KCNG3: variants seen among roughly 807,000 people sequenced by gnomAD.
The protein encoded by KCNG3 is potassium voltage-gated channel modifier subfamily G member 3, also known as voltage-gated potassium channel regulatory subunit KCNG3.
KCNG3 carries 15 observed loss-of-function variants against 29.0 expected under a neutral mutation model. That is an observed-to-expected ratio of 0.52 (90% CI 0.35 to 0.80). KCNG3 has a LOEUF of 0.80. KCNG3 is among the 30% of genes least tolerant of loss of function. KCNG3 has a pLI of 0.01. For missense variants in KCNG3, 512 were observed against 605.7 expected (o/e 0.85, Z 1.62); for synonymous variants, 322 against 248.9 (o/e 1.29, Z -2.76).
intron 1 of KCNG3, among the ~76,000 whole-genome samples, chr2:42,461,606 C>T (rs1208973046): frequency 6.6e-6 from 1 of 152,206 alleles, no homozygotes; most frequent in Non-Finnish European, 1.5e-5. Context: ...CCCGGCCCCA[C>T]ACTCTCCACT....
intron 1 of KCNG3, among the ~76,000 whole-genome samples, chr2:42,491,542 T>C (rs1457294127): frequency 6.6e-6 from 1 of 152,168 alleles, no homozygotes; most frequent in East Asian, 1.9e-4. Flanking sequence ...AATAAATTAA[T>C]TTCATTGTAT....
At chr2:42,435,842 A>C in the KCNG3 span, among the ~76,000 whole-genome samples, 4 of 152,234 alleles carry the variant, frequency 2.6e-5, no homozygotes, top group African/African-American at 9.6e-5. Context: ...GCAGCTCCTC[A>C]AAAAGTTAAA....
intron 1 of KCNG3, among the ~76,000 whole-genome samples, chr2:42,458,420 A>G (rs902882664): frequency 1.3e-5 from 2 of 152,092 alleles, no homozygotes; most frequent in Non-Finnish European, 2.9e-5. Context: ...CAACAGAGGT[A>G]CCAGATTCAC....
chr2:42,448,530 C>T (rs1213793450), intron 1 of KCNG3, among the ~76,000 whole-genome samples: 1 of 151,990 alleles, frequency 6.6e-6, no homozygotes, highest in Non-Finnish European at 1.5e-5. Context: ...AAGTTCAGAA[C>T]TTCACTCAGG....
In KCNG3 at chr2:42,478,032, T is replaced by C. The variant is rs754775535; in HGVS notation, c.665+14805A>G. On this transcript the variant is annotated intron_variant, in intron 1 of 1. Transcript: ENST00000306078. The stretch of plus-strand genomic sequence containing the variant: ...GAGTTGGAATTGTGAAAGGAGAGCC[T>C]GGAGCCTTTACCACAGGCACGTTCT... 3.7e-3 allele frequency among the ~76,000 whole-genome samples: 570 copies of C among 152,184 alleles called. 18 individuals carry two copies. The highest frequency in any genetic ancestry group is 9.7e-4 in the East Asian group (5 of 5,170).
rs1313013861 is a variant in KCNG3 at position 42,459,842 on chromosome 2, G to T, written c.666-15263C>A. Among the ~76,000 whole-genome samples, 4 of 152,230 alleles carry T rather than the reference G, an allele frequency of 2.6e-5. No homozygotes were observed. The East Asian group carries it at 5.8e-4, about 22-fold the overall frequency. On this transcript the variant is annotated intron_variant, in intron 1 of 1. Transcript: ENST00000306078. ...ATACAAAAAATTAGCTGGGCATGGT[G>T]GCGGACACCTGTAGTCCTAGCTACT...
intron 1 of KCNG3, among the ~76,000 whole-genome samples, chr2:42,483,573 G>A (rs1410698373): frequency 2.0e-5 from 3 of 152,120 alleles, no homozygotes; most frequent in African/African-American, 7.2e-5. Flanking sequence ...TAAATCTCAG[G>A]CATAAAACTG....
In KCNG3 at chr2:42,442,427, C is replaced by G. The variant is rs144263240; in HGVS notation, c.*1507G>C. The G allele has an allele frequency of 2.7e-4, 41 of 152,278 alleles. No homozygotes were observed. Among genetic ancestry groups the G allele is most frequent in the Non-Finnish European group, 4.9e-4 (33 of 68,024 alleles). The allele number at this position is 152,278 out of a possible 1,614,324, so 9.4% of individuals were successfully genotyped here. On this transcript the variant is annotated 3_prime_UTR_variant, in exon 2 of 2. Transcript: ENST00000306078. ...GGAGATCCAGGTGTTAGCCCTGACT[C>G]CTTCACAATTATATTCTCTCCTGCC...
intron 1 of KCNG3, among the ~76,000 whole-genome samples, chr2:42,458,594 A>T (rs1401515686): frequency 6.6e-6 from 1 of 152,224 alleles, no homozygotes; most frequent in Non-Finnish European, 1.5e-5. Flanking sequence ...ATTACAGGCA[A>T]TTACTACAAA....
At chr2:42,441,803 T>TATATAAAATATATACAA (rs1412944425), downstream of KCNG3, among the ~76,000 whole-genome samples, 2 of 150,808 alleles carry the variant, frequency 1.3e-5, no homozygotes, top group East Asian at 1.9e-4. Context: ...GGTGTGTGTG[T>TATATAAAATATATACAA]ATATATATAC....
chr2:42,478,058 C>G (rs756858702), intron 1 of KCNG3, among the ~76,000 whole-genome samples: 3 of 152,088 alleles, frequency 2.0e-5, no homozygotes, highest in Non-Finnish European at 2.9e-5. Flanking sequence ...GGCACGTTCT[C>G]AGGCCTACTT....
At chr2:42,446,718 A>G (rs945778807) in intron 1 of KCNG3, among the ~76,000 whole-genome samples, 1 of 152,254 alleles carries the variant, frequency 6.6e-6, no homozygotes, top group Non-Finnish European at 1.5e-5. Context: ...AATAAATACA[A>G]TTAACCATGT....
chr2:42,460,454 G>C (rs1005510948), intron 1 of KCNG3, among the ~76,000 whole-genome samples: 1 of 152,070 alleles, frequency 6.6e-6, no homozygotes, highest in African/African-American at 2.4e-5. Flanking sequence ...CTAGCAAAGG[G>C]TAAGATATAC....
intron 1 of KCNG3, among the ~76,000 whole-genome samples, chr2:42,450,609 C>T (rs1377621592): frequency 6.6e-6 from 1 of 152,212 alleles, no homozygotes; most frequent in East Asian, 1.9e-4. Context: ...TATAGATGTT[C>T]ATGAATGTAT....
the KCNG3 span, among the ~76,000 whole-genome samples, chr2:42,399,654 G>T: frequency 7.9e-5 from 12 of 152,136 alleles, no homozygotes; most frequent in African/African-American, 2.9e-4. Flanking sequence ...ATAATTAAAG[G>T]GTAAGAGTGT....
downstream of KCNG3, among the ~76,000 whole-genome samples, chr2:42,439,784 T>C (rs1672436010): frequency 6.6e-6 from 1 of 151,538 alleles, no homozygotes; most frequent in Non-Finnish European, 1.5e-5. Context: ...GTAGCTGGGA[T>C]TACAGGCACC....
At chr2:42,456,252 T>C (rs1417722570) in intron 1 of KCNG3, among the ~76,000 whole-genome samples, 1 of 152,172 alleles carries the variant, frequency 6.6e-6, no homozygotes, top group East Asian at 1.9e-4. Flanking sequence ...CTAGGTGCAG[T>C]GGCTCACACC....
the KCNG3 span, among the ~76,000 whole-genome samples, chr2:42,434,666 C>CAAAAAAAAAAA: frequency 1.5e-5 from 1 of 64,694 alleles, no homozygotes; most frequent in Non-Finnish European, 2.7e-5. Context: ...AACTCCATCT[C>CAAAAAAAAAAA]AAAAAAAAAA....
In KCNG3 at chr2:42,444,664, G is replaced by T. The variant is rs1672556561; in HGVS notation, c.666-85C>A. ...AGATTTCTTCAGATAGTACTACACT[G>T]ACATACTAATTCAGTTACTTTTCCA... On this transcript the variant is annotated intron_variant, in intron 1 of 1. Coordinates refer to ENST00000306078, the MANE Select transcript of KCNG3 (RefSeq NM_133329.6). This position sits in a 1 kb window ranked among gnomAD's most constrained non-coding sequence, Gnocchi z 5.8. 20 of 1,195,408 alleles carry T rather than the reference G, an allele frequency of 1.7e-5. No homozygotes were observed. In the Admixed American group the frequency reaches 2.1e-4, roughly 12 times the overall value. 74.1% of individuals were successfully genotyped at this position (1,195,408 alleles called of 1,614,324 possible). A position where few individuals can be genotyped will look rare whatever the true frequency, so the allele number is the denominator to read the frequency against.
Sources: gnomAD v4.1 joint callset for allele counts (sites outside exome capture counted in the v4.1 genomes callset) on GRCh38, gnomAD v4.1.1 for gene constraint, Gnocchi (gnomAD v3.1) non-coding constraint, MANE v1.5 for transcripts, NCBI Gene and HGNC (gene_info 2026-07-23, HGNC 2026-07-21) for gene names.